The following KCTD1 variants were observed in gnomAD, a reference collection of about 807,000 sequenced individuals.
The protein encoded by KCTD1 is potassium channel tetramerization domain containing 1, also known as BTB/POZ domain-containing protein KCTD1.
Under a neutral mutation model 66.0 loss-of-function variants are expected in KCTD1, and 24 were observed. The observed-to-expected ratio is 0.36, with a 90% CI of 0.26 to 0.51. The LOEUF (loss-of-function observed/expected upper bound fraction) is 0.51. Ranked by LOEUF, KCTD1 falls within the 20% of genes least tolerant of loss-of-function variation. KCTD1 has a pLI of 0.95. For synonymous variants in KCTD1, 511 were observed against 517.2 expected, an observed-to-expected ratio of 0.99 and a Z score of 0.16; for missense variants, 943 against 1,205.2, an observed-to-expected ratio of 0.78 and a Z score of 3.22.
chr18:26,539,715 A>G (rs768091948), intron 1 of KCTD1, among the ~76,000 whole-genome samples: 2 of 152,194 alleles, frequency 1.3e-5, no homozygotes, highest in Non-Finnish European at 2.9e-5. Flanking sequence ...GACCCATAAC[A>G]GCCAGGAATG....
chr18:26,543,930 A>C (rs939522285), intron 1 of KCTD1: 1 of 152,200 alleles, frequency 6.6e-6, no homozygotes, highest in African/African-American at 2.4e-5. Flanking sequence ...CAAAATTATA[A>C]ATCTCTATCA....
chr18:26,657,247 G>A (rs1234163110), intron 1 of KCTD1: 1 of 813,798 alleles, frequency 1.2e-6, no homozygotes, highest in Non-Finnish European at 1.5e-6. Context: ...GTGTGTGCGA[G>A]TGTGCCGCGC....
Position 26,480,211 on chromosome 18 carries a change from G to A in KCTD1, c.1989-3552C>T, listed in dbSNP as rs57604256. Among the ~76,000 whole-genome samples the A allele has an allele frequency of 4.9e-3, 734 of 150,066 alleles. 9 individuals are homozygous for A. The highest frequency in any genetic ancestry group is 0.016 in the African/African-American group (677 of 41,426). The stretch of plus-strand genomic sequence containing the variant: ...AATTTCAAACTTATGCCAAAGCAGA[G>A]AAAATAATAGAATGAACCCCCATAT... On this transcript the variant is annotated intron_variant, in intron 2 of 4. Transcript: ENST00000580059.
chr18:26,630,153 A>C (rs1050548118), upstream of KCTD1, among the ~76,000 whole-genome samples: 1 of 152,198 alleles, frequency 6.6e-6, no homozygotes, highest in African/African-American at 2.4e-5. Context: ...ATGATGGGTA[A>C]AACTGCTGGT....
At chr18:26,523,623 CAAAT>C (rs144368040) in intron 1 of KCTD1, among the ~76,000 whole-genome samples, 102,124 of 151,352 alleles carry the variant, frequency 0.67, 34,665 homozygotes, top group East Asian at 0.89. Context: ...CTCTCTCAAA[CAAAT>C]AAATAATAAA....
intron 1 of KCTD1, among the ~76,000 whole-genome samples, chr18:26,635,088 T>C (rs1301922993): frequency 5.3e-5 from 8 of 152,266 alleles, no homozygotes; most frequent in Non-Finnish European, 1.2e-4. Flanking sequence ...TAACTTTTGA[T>C]CTGTTTCTCA....
At chr18:26,495,637 T>A (rs1329684901) in intron 2 of KCTD1, among the ~76,000 whole-genome samples, 1 of 151,990 alleles carries the variant, frequency 6.6e-6, no homozygotes, top group African/African-American at 2.4e-5. Flanking sequence ...AATCTACTTA[T>A]GTGGGAGTTA....
chr18:26,599,525 C>A, intron 1 of KCTD1: 1 of 1,558,164 alleles, frequency 6.4e-7, no homozygotes, highest in Non-Finnish European at 8.9e-7. Context: ...CAATGAGGGC[C>A]GTGGGTCTGT....
chr18:26,555,211 T>C lies in KCTD1; in HGVS notation c.-15-53961A>G, dbSNP rs558175219. On this transcript the variant is annotated intron_variant, in intron 1 of 4. Transcript: ENST00000317932. ...TTTGCTGTTATTTCAAATAAAGTGG[T>C]CTACTAAGTTAGTAAAAGCAAAACA... Among the ~76,000 whole-genome samples, 187 of 152,350 alleles carry C rather than the reference T, an allele frequency of 1.2e-3. 1 individual carries two copies. Among genetic ancestry groups the C allele is most frequent in the African/African-American group, 4.3e-3 (180 of 41,590 alleles).
At chr18:26,471,618 G>T (rs1188559127) in intron 3 of KCTD1, among the ~76,000 whole-genome samples, 1 of 152,026 alleles carries the variant, frequency 6.6e-6, no homozygotes. Context: ...CTACAGGAGG[G>T]ATCCTTGTGG....
intron 1 of KCTD1, among the ~76,000 whole-genome samples, chr18:26,521,320 C>G (rs1567978478): frequency 6.6e-6 from 1 of 152,242 alleles, no homozygotes; most frequent in Non-Finnish European, 1.5e-5. Flanking sequence ...ACTTGTGACA[C>G]TTCACTAAAA....
At chr18:26,635,700 C>T (rs1202706329) in intron 1 of KCTD1, among the ~76,000 whole-genome samples, 1 of 152,154 alleles carries the variant, frequency 6.6e-6, no homozygotes, top group East Asian at 1.9e-4. Context: ...TTCTAACAAG[C>T]CCCAGGTGAT....
intron 2 of KCTD1, among the ~76,000 whole-genome samples, chr18:26,483,394 G>A (rs796514303): frequency 1.3e-5 from 2 of 151,964 alleles, no homozygotes; most frequent in Non-Finnish European, 2.9e-5. Context: ...TCAGCCTCCC[G>A]AGTAGCTGGG....
chr18:26,476,380 G>T lies in KCTD1; in HGVS notation c.2133+135C>A. On this transcript the variant is annotated intron_variant, in intron 3 of 4. Transcript: ENST00000580059. The surrounding 1 kb of genome is among the most constrained non-coding windows in gnomAD (Gnocchi z 4.9). ...GGCCATAACCACTATTTCATGAATA[G>T]TGAACCATGTCAAAGAGAACTCTGG... 2.7e-6 allele frequency: 2 copies of T among 751,536 alleles called. No individual in the cohort carries two copies. Among genetic ancestry groups the T allele is most frequent in the Non-Finnish European group, 4.1e-6 (2 of 484,096 alleles). 46.6% of individuals were successfully genotyped at this position (751,536 alleles called of 1,614,324 possible).
intron 1 of KCTD1, among the ~76,000 whole-genome samples, chr18:26,509,465 A>G (rs1983225588): frequency 6.6e-6 from 1 of 152,090 alleles, no homozygotes; most frequent in African/African-American, 2.4e-5. Flanking sequence ...CCATATATCT[A>G]TACAATGCTC....
chr18:26,537,836 A>C (rs1207229255), intron 1 of KCTD1, among the ~76,000 whole-genome samples: 1 of 152,130 alleles, frequency 6.6e-6, no homozygotes, highest in Non-Finnish European at 1.5e-5. Flanking sequence ...CTTTTGAAAA[A>C]CTGTTGATTT....
At chr18:26,621,066 C>G (rs1987372672) in intron 1 of KCTD1, among the ~76,000 whole-genome samples, 1 of 152,102 alleles carries the variant, frequency 6.6e-6, no homozygotes, top group Non-Finnish European at 1.5e-5. Context: ...ATCTCCTGAC[C>G]TCGTGATCCA....
intron 1 of KCTD1, among the ~76,000 whole-genome samples, chr18:26,569,575 T>TG (rs1986056040): frequency 7.1e-6 from 1 of 141,648 alleles, no homozygotes; most frequent in African/African-American, 2.6e-5. Context: ...ATCAGGCAGG[T>TG]GGGGGGTGGG....
At chr18:26,606,890 T>G (rs1987028383) in intron 1 of KCTD1, among the ~76,000 whole-genome samples, 1 of 152,270 alleles carries the variant, frequency 6.6e-6, no homozygotes, top group Admixed American at 6.5e-5. Flanking sequence ...CTTTTGCATG[T>G]GCTATTCCTT....
Sources: allele counts gnomAD v4.1 joint callset (sites outside exome capture counted in the v4.1 genomes callset), GRCh38; gene constraint gnomAD v4.1.1; non-coding constraint Gnocchi (gnomAD v3.1); transcripts MANE v1.5; gene names NCBI Gene and HGNC (gene_info 2026-07-23, HGNC 2026-07-21).